MIR2052HG: variants seen among roughly 807,000 people sequenced by gnomAD.
MIR2052HG encodes the protein MIR2052 host gene.
At chr8:74,647,894 G>A (rs1276668171) in intron 2 of MIR2052HG, among the ~76,000 whole-genome samples, 1 of 152,044 alleles carries the variant, frequency 6.6e-6, no homozygotes, top group Admixed American at 6.6e-5. Context: ...TCTTATGCTT[G>A]TCTTTACTTT....
intron 4 of MIR2052HG, among the ~76,000 whole-genome samples, chr8:74,722,556 T>C (rs2128754170): frequency 6.6e-6 from 1 of 152,306 alleles, no homozygotes; most frequent in South Asian, 2.1e-4. Context: ...GCTTTCTCTT[T>C]TTCATAGAAA....
chr8:74,714,643 C>G (rs1363906663), intron 4 of MIR2052HG, among the ~76,000 whole-genome samples: 3 of 150,310 alleles, frequency 2.0e-5, no homozygotes, highest in Non-Finnish European at 4.4e-5. Context: ...GGTTGGTTAT[C>G]CTAGAATAAT....
At chr8:74,751,190 C>T (rs533007832) in intron 4 of MIR2052HG, among the ~76,000 whole-genome samples, 7 of 152,032 alleles carry the variant, frequency 4.6e-5, no homozygotes, top group East Asian at 1.9e-4. Flanking sequence ...TGGGCTTGAA[C>T]GTGGTAACAG....
intron 2 of MIR2052HG, among the ~76,000 whole-genome samples, chr8:74,677,208 A>G (rs779253743): frequency 6.6e-6 from 1 of 152,056 alleles, no homozygotes; most frequent in South Asian, 2.1e-4. Flanking sequence ...GCACAAAATT[A>G]TAGAGGAATA....
In MIR2052HG at chr8:74,664,241, C is replaced by T. The variant is rs1321915891; in HGVS notation, n.217-38138C>T. On this transcript the variant is annotated intron_variant and non_coding_transcript_variant, in intron 2 of 6. Coordinates refer to ENST00000523442, the Ensembl canonical transcript of MIR2052HG. ...GAATTCACCACTATTGTCCATGTAA[C>T]CAAAAACTGCATGTACCCCAAAAGG... Among the ~76,000 whole-genome samples the T allele has an allele frequency of 2.0e-5, 3 of 150,540 alleles. No individual in the cohort carries two copies. The East Asian group carries it at 5.8e-4, about 29-fold the overall frequency.
chr8:74,753,999 G>A (rs953586943), intron 5 of MIR2052HG, among the ~76,000 whole-genome samples: 2 of 152,118 alleles, frequency 1.3e-5, no homozygotes, highest in African/African-American at 2.4e-5. Context: ...GATATCAAAG[G>A]GAGAAGCATC....
chr8:74,733,120 G>A (rs1028161157), intron 4 of MIR2052HG, among the ~76,000 whole-genome samples: 13 of 151,780 alleles, frequency 8.6e-5, no homozygotes, highest in South Asian at 4.2e-4. Flanking sequence ...TAGGGTACAT[G>A]TGCACAATGT....
chr8:74,745,172 A>T (rs1250889929), intron 4 of MIR2052HG, among the ~76,000 whole-genome samples: 4 of 152,124 alleles, frequency 2.6e-5, no homozygotes, highest in Non-Finnish European at 5.9e-5. Context: ...CTGAGGTGGG[A>T]GGATCCCTTG....
chr8:74,651,222 T>C (rs1190387969), intron 2 of MIR2052HG, among the ~76,000 whole-genome samples: 6 of 152,100 alleles, frequency 3.9e-5, no homozygotes, highest in Non-Finnish European at 8.8e-5. Context: ...ATGATGATTA[T>C]TTTAATGATG....
rs185415425 is a variant in MIR2052HG, at chr8:74,670,856, G to A, written n.217-31523G>A. Among the ~76,000 whole-genome samples, 50 of 152,086 alleles carry A rather than the reference G, an allele frequency of 3.3e-4. No homozygotes were observed. The East Asian group carries it at 4.3e-3, about 13-fold the overall frequency. On this transcript the variant is annotated intron_variant and non_coding_transcript_variant, in intron 2 of 6. Transcript: ENST00000523442. The stretch of plus-strand genomic sequence containing the variant: ...GTTTTAATATAATTTTTAAATAAAC[G>A]ATTTCTTTCTCTTTTTTTTTCTTCT...
rs1563529401 is a variant in MIR2052HG at position 74,676,117 on chromosome 8, A to G, written n.217-26262A>G. On this transcript the variant is annotated intron_variant and non_coding_transcript_variant, in intron 2 of 6. Transcript: ENST00000523442. ...TACAAATTAGAATTGCAAACCTGGA[A>G]AAATGTGTTCCAACAATGTTTTTTC... 2.6e-5 allele frequency among the ~76,000 whole-genome samples: 4 copies of G among 152,194 alleles called. No homozygotes were observed. In the South Asian group the frequency reaches 6.2e-4, roughly 24 times the overall value.
At chr8:74,655,504 C>T (rs1009616737) in intron 2 of MIR2052HG, among the ~76,000 whole-genome samples, 4 of 152,198 alleles carry the variant, frequency 2.6e-5, no homozygotes, top group Admixed American at 6.5e-5. Context: ...AGGTACAGCT[C>T]GGCCATGGTT....
chr8:74,620,611 C>A (rs973014508), intron 2 of MIR2052HG, among the ~76,000 whole-genome samples: 1 of 152,264 alleles, frequency 6.6e-6, no homozygotes, highest in South Asian at 2.1e-4. Flanking sequence ...ATGGCCTGAG[C>A]TGTATGCTGA....
intron 4 of MIR2052HG, among the ~76,000 whole-genome samples, chr8:74,748,734 C>T (rs1809912537): frequency 6.6e-6 from 1 of 152,156 alleles, no homozygotes; most frequent in South Asian, 2.1e-4. Context: ...TGTTTGGCTA[C>T]TCCCAATTTC....
At chr8:74,714,015 T>C (rs1344031757) in intron 4 of MIR2052HG, among the ~76,000 whole-genome samples, 1 of 152,028 alleles carries the variant, frequency 6.6e-6, no homozygotes, top group East Asian at 1.9e-4. Flanking sequence ...AGAGACTCTC[T>C]CTTAGGAGAT....
chr8:74,648,870 T>G (rs538653608), intron 2 of MIR2052HG, among the ~76,000 whole-genome samples: 1 of 152,224 alleles, frequency 6.6e-6, no homozygotes, highest in African/African-American at 2.4e-5. Context: ...ACAATCACTG[T>G]GTCAACATGA....
At chr8:74,610,373 A>C (rs1808177551) in intron 1 of MIR2052HG, among the ~76,000 whole-genome samples, 2 of 151,938 alleles carry the variant, frequency 1.3e-5, no homozygotes, top group African/African-American at 4.8e-5. Context: ...AAAAATTTTT[A>C]AAACTTATGA....
At chr8:74,737,638 T>C (rs1366694163) in intron 4 of MIR2052HG, among the ~76,000 whole-genome samples, 1 of 152,152 alleles carries the variant, frequency 6.6e-6, no homozygotes, top group Non-Finnish European at 1.5e-5. Flanking sequence ...CATTCAGGGC[T>C]CAAATTCTTG....
chr8:74,660,853 T>TA, intron 2 of MIR2052HG, among the ~76,000 whole-genome samples: 1 of 111,718 alleles, frequency 9.0e-6, no homozygotes, highest in Non-Finnish European at 1.8e-5. Flanking sequence ...GCTGATCTTA[T>TA]AAAAGGCTTT....
Sources: gnomAD v4.1 joint callset for allele counts (sites outside exome capture counted in the v4.1 genomes callset) on GRCh38, gnomAD v4.1.1 for gene constraint, MANE v1.5 for transcripts, NCBI Gene and HGNC (gene_info 2026-07-23, HGNC 2026-07-21) for gene names.